CADPS2: variants seen among roughly 807,000 people sequenced by gnomAD.
CADPS2 encodes calcium-dependent secretion activator 2.
In CADPS2, 93 loss-of-function variants were observed where a neutral mutation model predicts 172.5. That is an observed-to-expected ratio of 0.54 (90% confidence interval 0.46 to 0.64). The LOEUF is 0.64. Ranked by LOEUF, CADPS2 falls within the 30% of genes least tolerant of loss-of-function variation. The pLI, the probability that CADPS2 is intolerant of heterozygous loss-of-function variation, is 0.00. For synonymous variants in CADPS2, 546 were observed against 555.2 expected (o/e 0.98, Z 0.23); for missense variants, 1,420 against 1,565.9 (o/e 0.91, Z 1.57).
intron 14 of CADPS2, among the ~76,000 whole-genome samples, chr7:122,461,174 C>G (rs140006673): frequency 8.0e-4 from 122 of 152,202 alleles, no homozygotes; most frequent in African/African-American, 2.9e-3. Flanking sequence ...AAACATTACA[C>G]AGGATGCAGC....
intron 15 of CADPS2, among the ~76,000 whole-genome samples, chr7:122,445,111 A>C (rs542593708): frequency 4.6e-5 from 7 of 152,216 alleles, no homozygotes; most frequent in Non-Finnish European, 1.0e-4. Context: ...TATCTTGATT[A>C]CTGTAGCATT....
At chr7:122,653,936 A>G (rs1284278720) in intron 3 of CADPS2, among the ~76,000 whole-genome samples, 1 of 152,210 alleles carries the variant, frequency 6.6e-6, no homozygotes, top group East Asian at 1.9e-4. Context: ...TAACATTGAA[A>G]ATAGGCCAAT....
At chr7:122,678,312 G>C (rs1197386497) in intron 2 of CADPS2, among the ~76,000 whole-genome samples, 1 of 152,164 alleles carries the variant, frequency 6.6e-6, no homozygotes, top group Non-Finnish European at 1.5e-5. Flanking sequence ...TAAATGTGTG[G>C]TTTTGTTGCT....
At chr7:122,486,634 T>C (rs73433705) in intron 11 of CADPS2, among the ~76,000 whole-genome samples, 5,700 of 152,290 alleles carry the variant, frequency 0.037, 152 homozygotes, top group African/African-American at 0.06. Context: ...ATTTAGGATA[T>C]TACATAAACT....
chr7:122,564,111 C>A (rs950857793), intron 7 of CADPS2, among the ~76,000 whole-genome samples: 1 of 152,066 alleles, frequency 6.6e-6, no homozygotes, highest in Non-Finnish European at 1.5e-5. Context: ...TCAACCTGTA[C>A]CACCTTAAAC....
At chr7:122,870,293 G>C (rs1819419663) in intron 1 of CADPS2, among the ~76,000 whole-genome samples, 1 of 151,974 alleles carries the variant, frequency 6.6e-6, no homozygotes, top group Admixed American at 6.6e-5. Context: ...AAAACTAAGA[G>C]TGCAGGGGTA....
At chr7:122,342,013 T>G (rs751809674) in intron 28 of CADPS2, among the ~76,000 whole-genome samples, 4 of 152,216 alleles carry the variant, frequency 2.6e-5, no homozygotes, top group Non-Finnish European at 5.9e-5. Flanking sequence ...GAGGTGAATA[T>G]AATGCCTTCA....
intron 8 of CADPS2, among the ~76,000 whole-genome samples, chr7:122,538,834 T>C (rs559553942): frequency 6.1e-4 from 93 of 152,122 alleles, no homozygotes; most frequent in African/African-American, 1.9e-3. Flanking sequence ...TGGAACACTA[T>C]TTATAACGAT....
intron 27 of CADPS2, among the ~76,000 whole-genome samples, chr7:122,346,996 T>A (rs798683): frequency 0.99 from 150,924 of 152,328 alleles, 74,775 homozygotes; most frequent in East Asian, 1. Flanking sequence ...GCTACCAATT[T>A]GATAGGTAGA....
chr7:122,565,074 A>T (rs1214506790), intron 7 of CADPS2, among the ~76,000 whole-genome samples: 1 of 152,074 alleles, frequency 6.6e-6, no homozygotes, highest in Non-Finnish European at 1.5e-5. Flanking sequence ...GAGACTCCAA[A>T]AGGGGGCAGT....
intron 8 of CADPS2, among the ~76,000 whole-genome samples, chr7:122,519,570 T>C (rs1216473016): frequency 2.6e-5 from 4 of 151,988 alleles, no homozygotes; most frequent in Non-Finnish European, 5.9e-5. Context: ...CTCTCTTGGG[T>C]TATTTCAAAC....
At chr7:122,740,757 G>A (rs955164125) in intron 1 of CADPS2, among the ~76,000 whole-genome samples, 4 of 151,938 alleles carry the variant, frequency 2.6e-5, no homozygotes, top group East Asian at 3.9e-4. Flanking sequence ...AAAAATACTT[G>A]CAACTCATTA....
intron 22 of CADPS2, among the ~76,000 whole-genome samples, chr7:122,391,079 ATTCT>A (rs1432449154): frequency 1.3e-5 from 2 of 152,052 alleles, no homozygotes; most frequent in Non-Finnish European, 2.9e-5. Flanking sequence ...TGTATTTTTA[ATTCT>A]TTATGTTAAA....
chr7:122,403,373 A>T (rs2046202360), intron 20 of CADPS2, among the ~76,000 whole-genome samples: 1 of 152,150 alleles, frequency 6.6e-6, no homozygotes, highest in South Asian at 2.1e-4. Flanking sequence ...CTCAGAAATA[A>T]TTGAGGTTTT....
chr7:122,581,070 G>A, intron 7 of CADPS2, 109 bp downstream of exon 7: 4 of 722,048 alleles, frequency 5.5e-6, no homozygotes, highest in Non-Finnish European at 9.5e-6. Flanking sequence ...ATTATTTTAT[G>A]TAATTTATGA....
At chr7:122,526,016 T>C (rs1388261153) in intron 8 of CADPS2, among the ~76,000 whole-genome samples, 1 of 152,142 alleles carries the variant, frequency 6.6e-6, no homozygotes, top group Non-Finnish European at 1.5e-5. Flanking sequence ...AGCAGTTGTT[T>C]TGATAAGCTG....
At chr7:122,676,919 A>C in intron 2 of CADPS2, 2 of 439,626 alleles carry the variant, frequency 4.5e-6, no homozygotes, top group East Asian at 3.8e-5. Context: ...CAGGCTTTTT[A>C]TCCATCCAAG....
Position 122,554,568 on chromosome 7 carries a change from G to T in CADPS2, c.1457C>A (p.Ala486Glu). The change falls in exon 8 of 30, where the codon GCA becomes GAA. Residue 486 changes from alanine (A) to glutamate (E), a missense_variant. By Grantham distance (107) the Ala-to-Glu change is moderately radical. Transcript: ENST00000449022. ...TACTCACCCACTATGCTTCATATGTGCTGGTTTATCCATTCGCACTGCCAG... is the reference window on the plus strand; with the variant it reads ...TACTCACCCACTATGCTTCATATGTTCTGGTTTATCCATTCGCACTGCCAG... ...IKLAVRMDKPAHMKHSGYLYA... is the reference protein window; with the variant it reads ...IKLAVRMDKPEHMKHSGYLYA... The T allele has an allele frequency of 6.2e-7, 1 of 1,605,854 alleles. No homozygotes were observed. Among genetic ancestry groups the T allele is most frequent in the Non-Finnish European group, 8.5e-7 (1 of 1,176,730 alleles).
chr7:122,752,533 A>C (rs892532531), intron 1 of CADPS2, among the ~76,000 whole-genome samples: 5 of 152,358 alleles, frequency 3.3e-5, no homozygotes, highest in South Asian at 2.1e-4. Context: ...AAGGAATTAC[A>C]TGAAGTAATG....
Sources: gnomAD v4.1 joint callset for allele counts (sites outside exome capture counted in the v4.1 genomes callset) on GRCh38, gnomAD v4.1.1 for gene constraint, MANE v1.5 for transcripts, NCBI Gene and HGNC (gene_info 2026-07-23, HGNC 2026-07-21) for gene names.